The following ANAPC2 variants were observed in gnomAD, a reference collection of about 807,000 sequenced individuals.
ANAPC2 encodes the protein anaphase promoting complex subunit 2.
A neutral mutation model predicts 84.3 loss-of-function variants in ANAPC2; 29 were observed. The ratio of observed to expected loss-of-function variants is 0.34; its 90% CI spans 0.26 to 0.47. The LOEUF is 0.47. Ranked by LOEUF, ANAPC2 falls within the 20% of genes least tolerant of loss-of-function variation. The probability of loss-of-function intolerance (pLI) is 1.00; values close to 1 mark genes in which losing one functional copy is unlikely to be tolerated. For missense variants in ANAPC2, 857 were observed against 1,131.7 expected (o/e 0.76, Z 3.48); for synonymous variants, 571 against 479.4 (o/e 1.19, Z -2.50).
chr9:137,178,466 C>A (rs1213273917), intron 10 of ANAPC2, among the ~76,000 whole-genome samples: 1 of 152,226 alleles, frequency 6.6e-6, no homozygotes, highest in East Asian at 1.9e-4. Flanking sequence ...ATGCCTGGGA[C>A]CCAAGGCAGG....
At chr9:137,187,378 T>C in intron 2 of ANAPC2, 103 bp downstream of exon 2, 1 of 1,433,564 alleles carries the variant, frequency 7.0e-7, no homozygotes, top group Non-Finnish European at 9.3e-7. Flanking sequence ...TGTTCCTGGT[T>C]ATCAGGACGG....
chr9:137,183,363 C>G, intron 5 of ANAPC2, 121 bp from the exon 6 acceptor site: 1 of 884,764 alleles, frequency 1.1e-6, no homozygotes, highest in Non-Finnish European at 1.8e-6. Context: ...ACTGCAGCCT[C>G]GTTCCCTTGT....
chr9:137,185,189 G>C (rs1489344720), intron 3 of ANAPC2, 102 bp from the exon 4 acceptor site: 8 of 1,300,248 alleles, frequency 6.2e-6, no homozygotes, highest in African/African-American at 1.5e-5. Flanking sequence ...TGTCGGCCGG[G>C]ACCGAGGGGA....
At position 137,183,783 on chromosome 9, in the gene ANAPC2, C is replaced by T. The variant is rs766942211; in HGVS notation, c.1057G>A (p.Asp353Asn). The change falls in exon 5 of 13, where the codon GAC becomes AAC. Residue 353 changes from aspartate to asparagine, a missense_variant. Coordinates refer to ENST00000323927, the MANE Select transcript of ANAPC2 (RefSeq NM_013366.4). ...AGGTCCTCGATGGCTGGCCGGGAGT[C>T]TGGGAAGTCTACAAGAAGAAGAACA... ...ELFSIVRDFPDSRPAIEDLKY... is the reference protein window; with the variant it reads ...ELFSIVRDFPNSRPAIEDLKY... 1 of 1,613,178 alleles carries T rather than the reference C, an allele frequency of 6.2e-7. No homozygotes were observed.
intron 6 of ANAPC2, among the ~76,000 whole-genome samples, 171 bp downstream of exon 6, chr9:137,182,954 G>C (rs915214671): frequency 6.6e-6 from 1 of 152,232 alleles, no homozygotes; most frequent in East Asian, 1.9e-4. Context: ...TGCCCGGCAC[G>C]GGCAAGAGGA....
chr9:137,183,479 C>T (rs974261284), intron 5 of ANAPC2, 193 bp downstream of exon 5: 3 of 901,972 alleles, frequency 3.3e-6, no homozygotes, highest in African/African-American at 3.4e-5. Context: ...GTCCTGACTC[C>T]CTCCAAAGAA....
At chr9:137,175,874 G>A in intron 10 of ANAPC2, 37 bp from the exon 11 acceptor site, 2 of 1,567,930 alleles carry the variant, frequency 1.3e-6, no homozygotes, top group South Asian at 2.3e-5. Flanking sequence ...CAGCTCGGCT[G>A]CAGGGCGCTC....
intron 11 of ANAPC2, 101 bp from the exon 12 acceptor site, chr9:137,175,573 C>G (rs1314045994): frequency 6.7e-6 from 10 of 1,482,366 alleles, no homozygotes; most frequent in African/African-American, 2.8e-5. Context: ...GGCCACCCTG[C>G]CTTGCCCGTG....
At chr9:137,183,542 C>T (rs1253793563) in intron 5 of ANAPC2, 130 bp downstream of exon 5, 5 of 1,381,016 alleles carry the variant, frequency 3.6e-6, no homozygotes, top group Admixed American at 5.4e-5. Context: ...TCACCAATTG[C>T]TTCTCAACCC....
intron 4 of ANAPC2, among the ~76,000 whole-genome samples, chr9:137,184,402 G>A (rs1313478570): frequency 6.8e-6 from 1 of 147,522 alleles, no homozygotes; most frequent in African/African-American, 2.5e-5. Context: ...GAGCCCAGAC[G>A]CAGACACAGG....
At chr9:137,186,529 G>A (rs1403446206) in intron 2 of ANAPC2, 173 bp from the exon 3 acceptor site, 6 of 990,682 alleles carry the variant, frequency 6.1e-6, no homozygotes, top group Non-Finnish European at 7.2e-6. Context: ...TTGTACCAAA[G>A]GCTTCAAGAA....
chr9:137,188,189 G>A (rs1834520607), intron 1 of ANAPC2, 86 bp from the exon 2 acceptor site: 8 of 1,500,274 alleles, frequency 5.3e-6, no homozygotes, highest in Non-Finnish European at 6.2e-6. Flanking sequence ...GGGGGAGGCT[G>A]CAAAAACTCC....
chr9:137,180,608 C>A, intron 8 of ANAPC2, 81 bp from the exon 9 acceptor site: 1 of 1,596,330 alleles, frequency 6.3e-7, no homozygotes, highest in Non-Finnish European at 8.6e-7. Context: ...CGGGGGTGCC[C>A]CCCAGGCAGA....
Position 137,187,633 on chromosome 9 carries a change from G to A in ANAPC2, c.588C>T (p.Asp196=), listed in dbSNP as rs2131343130. ...QSKRKGEGGT[D]PELEGELDSR... ...TGTCCAGCTCCCCTTCCAGTTCCGGGTCTGTGCCCCCTTCCCCCTTCCTCT... is the reference window on the plus strand; with the variant it reads ...TGTCCAGCTCCCCTTCCAGTTCCGGATCTGTGCCCCCTTCCCCCTTCCTCT... Residue 196 remains aspartate (D), a synonymous_variant, in exon 2 of 13, where the codon GAC becomes GAT. Transcript: ENST00000323927. 6.2e-7 allele frequency: 1 copy of A among 1,614,096 alleles called. No individual in the cohort carries two copies. Among genetic ancestry groups the A allele is most frequent in the East Asian group, 2.2e-5 (1 of 44,892 alleles).
intron 7 of ANAPC2, 146 bp from the exon 8 acceptor site, chr9:137,181,075 C>T (rs558014203): frequency 5.0e-5 from 52 of 1,041,142 alleles, no homozygotes; most frequent in East Asian, 1.5e-4. Flanking sequence ...CTGAGCCTCC[C>T]GGGAGACCTG....
Position 137,183,232 on chromosome 9 carries a change from C to T in ANAPC2, c.1179G>A (p.Thr393=), listed in dbSNP as rs1421993330. 4.3e-6 allele frequency: 7 copies of T among 1,612,632 alleles called. No individual in the cohort carries two copies. The highest frequency in any genetic ancestry group is 1.1e-5 in the South Asian group (1 of 91,086). The change falls in exon 6 of 13, where the codon ACG becomes ACA. Residue 393 remains threonine, a synonymous_variant. Coordinates refer to ENST00000323927, the MANE Select transcript of ANAPC2 (RefSeq NM_013366.4). Reference sequence around the variant, plus strand: ...AGATATAGAGGGTGATGATGTCACACGTGTTGACGCCTACAGCCAGGGCAG... The same window carrying T: ...AGATATAGAGGGTGATGATGTCACATGTGTTGACGCCTACAGCCAGGGCAG... ...ETRLLHPGVN[T]CDIITLYISA...
chr9:137,180,024 A>G (rs1834308480), intron 10 of ANAPC2, among the ~76,000 whole-genome samples, 157 bp downstream of exon 10: 1 of 152,212 alleles, frequency 6.6e-6, no homozygotes, highest in Non-Finnish European at 1.5e-5. Flanking sequence ...AGCGTGGGCC[A>G]GGCCCACTCC....
chr9:137,185,199 A>G, intron 3 of ANAPC2, 112 bp from the exon 4 acceptor site: 1 of 1,191,662 alleles, frequency 8.4e-7, no homozygotes, highest in Non-Finnish European at 1.1e-6. Flanking sequence ...GACCGAGGGG[A>G]GCCCGAAGGC....
At chr9:137,181,037 C>T in intron 7 of ANAPC2, 108 bp from the exon 8 acceptor site, 8 of 1,437,346 alleles carry the variant, frequency 5.6e-6, no homozygotes, top group Admixed American at 1.9e-5. Context: ...ATGGCTCTTC[C>T]TGAAGGCCCT....
Sources: gnomAD v4.1 joint callset for allele counts (sites outside exome capture counted in the v4.1 genomes callset) on GRCh38, gnomAD v4.1.1 for gene constraint, MANE v1.5 for transcripts, NCBI Gene and HGNC (gene_info 2026-07-23, HGNC 2026-07-21) for gene names.